Variants in GOLPH3L observed in about 807,000 individuals in gnomAD.
GOLPH3L encodes golgi phosphoprotein 3 like, also known as Golgi phosphoprotein 3-like.
A neutral mutation model predicts 30.3 loss-of-function variants in GOLPH3L; 22 were observed. The ratio of observed to expected loss-of-function variants is 0.73; its 90% CI spans 0.52 to 1.04. The LOEUF is 1.04. Among genes scored for constraint, GOLPH3L ranks in the 50% least tolerant of loss-of-function variants. The probability of loss-of-function intolerance (pLI) is 0.00; values close to 1 mark genes in which losing one functional copy is unlikely to be tolerated. For synonymous variants in GOLPH3L, 120 were observed against 128.2 expected (o/e 0.94, Z 0.43); for missense variants, 303 against 345.8 (o/e 0.88, Z 0.98).
chr1:150,666,030 G>A (rs1216743087), intron 2 of GOLPH3L, among the ~76,000 whole-genome samples: 2 of 150,926 alleles, frequency 1.3e-5, no homozygotes, highest in Non-Finnish European at 2.9e-5. Context: ...CTTTCTTATT[G>A]ATTGTGGTTT....
At chr1:150,679,615 GT>G (rs1444660556) in intron 2 of GOLPH3L, among the ~76,000 whole-genome samples, 1 of 152,132 alleles carries the variant, frequency 6.6e-6, no homozygotes, top group Admixed American at 6.6e-5. Context: ...GGGCAACAAA[GT>G]GAAACTCCCT....
chr1:150,689,884 C>T (rs973521464), intron 2 of GOLPH3L, among the ~76,000 whole-genome samples: 4 of 151,978 alleles, frequency 2.6e-5, no homozygotes, highest in African/African-American at 7.3e-5. Context: ...GTGATTTGCC[C>T]GCCTCAAACC....
intron 2 of GOLPH3L, among the ~76,000 whole-genome samples, chr1:150,668,984 G>C (rs587655304): frequency 6.6e-6 from 1 of 152,258 alleles, no homozygotes; most frequent in South Asian, 2.1e-4. Flanking sequence ...ATGAGAAGCA[G>C]TATAAAGAAA....
intron 2 of GOLPH3L, chr1:150,694,124 G>T (rs1238019925): frequency 2.3e-6 from 1 of 444,046 alleles, no homozygotes; most frequent in Admixed American, 2.5e-5. Context: ...TCCCCAAAGT[G>T]CTGGGATTAC....
chr1:150,674,427 A>AT (rs1650723979), intron 2 of GOLPH3L, among the ~76,000 whole-genome samples: 1 of 151,846 alleles, frequency 6.6e-6, no homozygotes, highest in Non-Finnish European at 1.5e-5. Context: ...GGCCTAGCTA[A>AT]TTTTTTTGTA....
At chr1:150,669,814 T>C (rs929100604) in intron 2 of GOLPH3L, among the ~76,000 whole-genome samples, 4 of 151,346 alleles carry the variant, frequency 2.6e-5, no homozygotes, top group Admixed American at 2.6e-4. Flanking sequence ...ATACAAAAAT[T>C]AGCTGGGTGT....
chr1:150,661,197 C>T (rs587760638), intron 4 of GOLPH3L, among the ~76,000 whole-genome samples: 1 of 152,206 alleles, frequency 6.6e-6, no homozygotes, highest in East Asian at 1.9e-4. Flanking sequence ...CACTGTACTC[C>T]AGCCTGGACG....
In GOLPH3L at chr1:150,648,259, A is replaced by G. The variant is rs1650026945; in HGVS notation, c.*62T>C. The stretch of plus-strand genomic sequence containing the variant: ...GAAAACATCTCATCACACAAAACTC[A>G]GTGATGGGGTCTCTGACAGTCACCA... On this transcript the variant is annotated 3_prime_UTR_variant, in exon 5 of 5. Coordinates refer to ENST00000271732, the MANE Select transcript of GOLPH3L (RefSeq NM_018178.6). 8.7e-7 allele frequency: 1 copy of G among 1,142,972 alleles called. No individual in the cohort carries two copies. The highest frequency in any genetic ancestry group is 2.4e-5 in the East Asian group (1 of 42,348). 70.8% of individuals were successfully genotyped at this position (1,142,972 alleles called of 1,614,324 possible).
intron 2 of GOLPH3L, among the ~76,000 whole-genome samples, chr1:150,678,325 ATTCCT>A (rs941513345): frequency 8.7e-5 from 13 of 148,800 alleles, no homozygotes; most frequent in African/African-American, 3.2e-4. Flanking sequence ...TGTCCTATAA[ATTCCT>A]TTCTAAGATT....
intron 2 of GOLPH3L, among the ~76,000 whole-genome samples, chr1:150,675,879 T>C (rs1191407832): frequency 6.8e-6 from 1 of 147,964 alleles, no homozygotes; most frequent in Non-Finnish European, 1.5e-5. Flanking sequence ...AGGGAGTCAG[T>C]AGGATATTGT....
intron 2 of GOLPH3L, among the ~76,000 whole-genome samples, chr1:150,690,587 C>T (rs1436358884): frequency 2.0e-5 from 3 of 152,132 alleles, no homozygotes; most frequent in Non-Finnish European, 2.9e-5. Context: ...AAGTCTCTGC[C>T]TGGTAACAAA....
In GOLPH3L at chr1:150,648,698, C is replaced by T; in HGVS notation, c.481G>A (p.Glu161Lys). Residue 161 changes from glutamate to lysine, a missense_variant, in exon 5 of 5, where the codon GAG becomes AAG. Coordinates refer to ENST00000271732, the MANE Select transcript of GOLPH3L (RefSeq NM_018178.6). Reference protein sequence around the residue: ...KLQYQLRNVRERIAKNLVEKG... With the variant: ...KLQYQLRNVRKRIAKNLVEKG... ...TCTACTAGGTTCTTTGCGATGCGCT[C>T]TCGTACATTTCTCAGCTGGTACTGT... The T allele has an allele frequency of 6.2e-7, 1 of 1,612,830 alleles. No homozygotes were observed. Among genetic ancestry groups the T allele is most frequent in the Non-Finnish European group, 8.5e-7 (1 of 1,178,884 alleles).
At chr1:150,660,494 C>T (rs1650342360) in intron 4 of GOLPH3L, among the ~76,000 whole-genome samples, 1 of 151,336 alleles carries the variant, frequency 6.6e-6, no homozygotes, top group African/African-American at 2.4e-5. Flanking sequence ...ATGTTCACAG[C>T]AGCATTATTC....
chr1:150,683,427 C>A (rs1238227673), intron 2 of GOLPH3L, among the ~76,000 whole-genome samples: 1 of 147,940 alleles, frequency 6.8e-6, no homozygotes, highest in African/African-American at 2.5e-5. Flanking sequence ...TCGCAGCTAC[C>A]CGGGAGGCTG....
chr1:150,673,274 G>A (rs1040465106), intron 2 of GOLPH3L, among the ~76,000 whole-genome samples: 17 of 152,082 alleles, frequency 1.1e-4, no homozygotes, highest in South Asian at 2.1e-4. Flanking sequence ...CAAAGAAAAC[G>A]GAAGAAAAGC....
chr1:150,667,862 G>A (rs1403820387), intron 2 of GOLPH3L, among the ~76,000 whole-genome samples: 2 of 152,044 alleles, frequency 1.3e-5, no homozygotes, highest in Middle Eastern at 3.2e-3. Flanking sequence ...CCAAAGTGCT[G>A]GGATTACAGG....
chr1:150,678,863 A>G (rs1205476945), intron 2 of GOLPH3L, among the ~76,000 whole-genome samples: 6 of 152,290 alleles, frequency 3.9e-5, no homozygotes, highest in Non-Finnish European at 8.8e-5. Context: ...CTGAGGCAGA[A>G]CTGCTTGAAC....
chr1:150,683,793 A>T (rs1181034026), intron 2 of GOLPH3L, among the ~76,000 whole-genome samples: 2 of 150,862 alleles, frequency 1.3e-5, no homozygotes, highest in African/African-American at 4.9e-5. Flanking sequence ...ACATCATTAG[A>T]CAATTTAATG....
chr1:150,672,429 A>G (rs1195420222), intron 2 of GOLPH3L, among the ~76,000 whole-genome samples: 1 of 152,066 alleles, frequency 6.6e-6, no homozygotes, highest in Non-Finnish European at 1.5e-5. Flanking sequence ...AAGACATTTT[A>G]TGTATGTATG....
Sources: allele counts gnomAD v4.1 joint callset (sites outside exome capture counted in the v4.1 genomes callset), GRCh38; gene constraint gnomAD v4.1.1; transcripts MANE v1.5; gene names NCBI Gene and HGNC (gene_info 2026-07-23, HGNC 2026-07-21).